AGA: variants seen among roughly 807,000 people sequenced by gnomAD.
The protein encoded by AGA is N(4)-(beta-N-acetylglucosaminyl)-L-asparaginase.
Under a neutral mutation model 40.1 loss-of-function variants are expected in AGA, and 31 were observed. The ratio of observed to expected loss-of-function variants is 0.77; its 90% confidence interval spans 0.58 to 1.04. The LOEUF (loss-of-function observed/expected upper bound fraction) is 1.04. AGA is among the 50% of genes least tolerant of loss of function. The probability of loss-of-function intolerance (pLI) is 0.00; values close to 1 mark genes in which losing one functional copy is unlikely to be tolerated. For missense variants in AGA, 445 were observed against 435.4 expected (o/e 1.02, Z -0.20); for synonymous variants, 148 against 144.0 (o/e 1.03, Z -0.20).
At chr4:177,440,553 T>A in intron 1 of AGA, 127 bp from the exon 2 acceptor site, 1 of 1,043,118 alleles carries the variant, frequency 9.6e-7, no homozygotes, top group Non-Finnish European at 1.4e-6. Context: ...TTTAACACAT[T>A]AGTTTATCAA....
At chr4:177,441,073 G>A (rs951764152) in intron 1 of AGA, among the ~76,000 whole-genome samples, 7 of 152,182 alleles carry the variant, frequency 4.6e-5, no homozygotes, top group Non-Finnish European at 7.3e-5. Flanking sequence ...ACATTTGGGG[G>A]TGTGGGGGGA....
At chr4:177,432,922 T>C (rs1736675283) in intron 8 of AGA, among the ~76,000 whole-genome samples, 1 of 152,206 alleles carries the variant, frequency 6.6e-6, no homozygotes, top group Non-Finnish European at 1.5e-5. Flanking sequence ...TAGATTAGCC[T>C]ATGTCAACGT....
Position 177,442,345 on chromosome 4 carries a change from G to A in AGA, c.31C>T (p.Leu11Phe). MARKSNLPVL[L>F]VPFLLCQALV... ...GCCTGGCAGAGCAGAAACGGCACGA[G>A]AAGCACAGGCAAGTTCGACTTCCGC... The change falls in exon 1 of 9, where the codon CTC (leucine) becomes TTC (phenylalanine). Residue 11 changes from leucine (L) to phenylalanine (F), a missense_variant. By Grantham distance (22) the Leu-to-Phe change is conservative (BLOSUM62 0). Transcript: ENST00000264595. The A allele has an allele frequency of 6.2e-7, 1 of 1,614,128 alleles. No homozygotes were observed. The highest frequency in any genetic ancestry group is 8.5e-7 in the Non-Finnish European group (1 of 1,179,966).
intron 3 of AGA, 121 bp downstream of exon 3, chr4:177,439,455 T>C (rs1273834702): frequency 1.3e-6 from 1 of 797,436 alleles, no homozygotes; most frequent in Non-Finnish European, 2.3e-6. Flanking sequence ...GTTCAATAGA[T>C]GTTAAGTAAA....
In AGA at chr4:177,438,735, G is replaced by A. The variant is rs1190000409; in HGVS notation, c.507+10C>T. 6.6e-7 allele frequency: 1 copy of A among 1,517,742 alleles called. No individual in the cohort carries two copies. The highest frequency in any genetic ancestry group is 2.3e-5 in the East Asian group (1 of 44,342). The allele number at this position is 1,517,742 out of a possible 1,614,324, so 94.0% of individuals were successfully genotyped here. Reference sequence around the variant, plus strand: ...ATTAACTTATTTTTTTAAATTAAATGTGTGCATACCCTCCAATAATTTGGC... The same window carrying A: ...ATTAACTTATTTTTTTAAATTAAATATGTGCATACCCTCCAATAATTTGGC... On this transcript the variant is annotated intron_variant, in intron 4 of 8. Coordinates refer to ENST00000264595, the MANE Select transcript of AGA (RefSeq NM_000027.4).
Position 177,434,780 on chromosome 4 carries a change from C to T in AGA, c.699-291G>A, listed in dbSNP as rs931638927. ...GGAGGCTGGGGGGAGGGGGACCTGGCGAGATGCGGGTCAAAGGACACACAA... is the reference window on the plus strand; with the variant it reads ...GGAGGCTGGGGGGAGGGGGACCTGGTGAGATGCGGGTCAAAGGACACACAA... On this transcript the variant is annotated intron_variant, in intron 6 of 8. Transcript: ENST00000264595. 3.9e-5 allele frequency among the ~76,000 whole-genome samples: 6 copies of T among 152,130 alleles called. No homozygotes were observed. The South Asian group carries it at 8.3e-4, about 21-fold the overall frequency.
intron 7 of AGA, among the ~76,000 whole-genome samples, chr4:177,434,097 G>A (rs1225042293): frequency 2.6e-5 from 4 of 152,044 alleles, no homozygotes; most frequent in African/African-American, 9.7e-5. Context: ...AGGTTCAAGC[G>A]ATTCTCCTAC....
At chr4:177,433,409 A>T in intron 7 of AGA, 62 bp from the exon 8 acceptor site, 8 of 1,606,390 alleles carry the variant, frequency 5.0e-6, no homozygotes, top group Middle Eastern at 1.7e-4. Flanking sequence ...AAATTGGGTT[A>T]CTTGAAGTTA....
At position 177,437,432 on chromosome 4, in the gene AGA, C is replaced by A. The variant is rs370078048; in HGVS notation, c.595G>T (p.Glu199Ter). Residue 199 changes from glutamate to a stop codon, truncating the protein, a stop_gained, in exon 5 of 9, where the codon GAA becomes TAA. Coordinates refer to ENST00000264595, the MANE Select transcript of AGA (RefSeq NM_000027.4). LOFTEE classifies it high-confidence loss of function. ...ATAGTGTCATGACCACGATCATCTT[C>A]TGTTTCTTTATGGATAGGAATATCC... Reference protein sequence around the residue: ...KQDIPIHKETEDDRGHDTIGM... With the variant: ...KQDIPIHKET 1 of 1,612,978 alleles carries A rather than the reference C, an allele frequency of 6.2e-7. No homozygotes were observed. Among genetic ancestry groups the A allele is most frequent in the Non-Finnish European group, 8.5e-7 (1 of 1,179,070 alleles).
intron 4 of AGA, among the ~76,000 whole-genome samples, chr4:177,437,999 T>C (rs1002735937): frequency 3.3e-5 from 5 of 152,228 alleles, no homozygotes; most frequent in Non-Finnish European, 7.3e-5. Context: ...TGCTTTAAGA[T>C]TCCTTTATAA....
At chr4:177,434,350 G>A (rs570247532) in intron 7 of AGA, 32 bp downstream of exon 7, 2 of 1,575,796 alleles carry the variant, frequency 1.3e-6, no homozygotes, top group Admixed American at 1.7e-5. Context: ...TTCTCCAAAG[G>A]TCTCTAAAAT....
At chr4:177,440,052 C>T (rs1378585273) in intron 2 of AGA, 1 of 608,812 alleles carries the variant, frequency 1.6e-6, no homozygotes, top group Non-Finnish European at 2.9e-6. Flanking sequence ...GCTTGGCATT[C>T]TCCCAGTTCT....
chr4:177,440,152 TATA>T (rs1736949198), intron 2 of AGA, 118 bp downstream of exon 2: 5 of 1,208,734 alleles, frequency 4.1e-6, no homozygotes, highest in Non-Finnish European at 6.1e-6. Flanking sequence ...AAAGGTCAAG[TATA>T]ATAAGCTAGG....
chr4:177,433,626 T>C (rs1736699081), intron 7 of AGA, among the ~76,000 whole-genome samples: 1 of 152,202 alleles, frequency 6.6e-6, no homozygotes. Flanking sequence ...CAGTCAAATG[T>C]AATGGCCAGA....
chr4:177,430,775 T>C lies in AGA; in HGVS notation c.*933A>G, dbSNP rs1489972676. 6.7e-6 allele frequency: 3 copies of C among 447,648 alleles called. No homozygotes were observed. The highest frequency in any genetic ancestry group is 1.4e-4 in the East Asian group (2 of 14,294). The allele number at this position is 447,648 out of a possible 1,614,324, so 27.7% of individuals were successfully genotyped here. ...GAAAAAACAGCTGAAATTCTAAAGTTTGAATATCGTACATGTACATTTATT... is the reference window on the plus strand; with the variant it reads ...GAAAAAACAGCTGAAATTCTAAAGTCTGAATATCGTACATGTACATTTATT... On this transcript the variant is annotated 3_prime_UTR_variant, in exon 9 of 9. Transcript: ENST00000264595.
intron 6 of AGA, 75 bp from the exon 7 acceptor site, chr4:177,434,564 A>AGG: frequency 8.1e-7 from 1 of 1,232,750 alleles, no homozygotes; most frequent in Non-Finnish European, 1.2e-6. Flanking sequence ...GTTCCAAATA[A>AGG]GGGATAGTTC....
intron 7 of AGA, among the ~76,000 whole-genome samples, chr4:177,433,574 T>G (rs925878187): frequency 5.9e-5 from 9 of 152,264 alleles, no homozygotes; most frequent in African/African-American, 2.2e-4. Context: ...TGTGGAATAT[T>G]ATTTTTGGCT....
chr4:177,434,839 C>G (rs549908124), intron 6 of AGA, among the ~76,000 whole-genome samples: 2 of 152,100 alleles, frequency 1.3e-5, no homozygotes, highest in East Asian at 3.9e-4. Flanking sequence ...TTCCAGAGGC[C>G]TACTGCGGAT....
intron 5 of AGA, 117 bp from the exon 6 acceptor site, chr4:177,436,468 T>G (rs1736824081): frequency 1.2e-6 from 1 of 840,464 alleles, no homozygotes; most frequent in Non-Finnish European, 2.0e-6. Context: ...TCCCCCAAAT[T>G]CATGTCAACA....
Sources: gnomAD v4.1 joint callset for allele counts (sites outside exome capture counted in the v4.1 genomes callset) on GRCh38, gnomAD v4.1.1 for gene constraint, MANE v1.5 for transcripts, NCBI Gene and HGNC (gene_info 2026-07-23, HGNC 2026-07-21) for gene names.